RALGAPB: variants seen among roughly 807,000 people sequenced by gnomAD.
RALGAPB encodes the protein Ral GTPase activating protein non-catalytic subunit beta.
In RALGAPB, 25 loss-of-function variants were observed where a neutral mutation model predicts 161.1. The observed-to-expected ratio is 0.16, with a 90% CI of 0.11 to 0.22. RALGAPB has a LOEUF of 0.22. RALGAPB is among the 10% of genes least tolerant of loss of function. RALGAPB has a pLI of 1.00. For synonymous variants in RALGAPB, 629 were observed against 626.1 expected, an observed-to-expected ratio of 1.00 and a Z score of -0.07; for missense variants, 1,391 against 1,815.2, an observed-to-expected ratio of 0.77 and a Z score of 4.25.
At chr20:38,518,026 A>G (rs147980602) in intron 9 of RALGAPB, 26 bp downstream of exon 9, 1 of 1,565,158 alleles carries the variant, frequency 6.4e-7, no homozygotes, top group South Asian at 1.1e-5. Flanking sequence ...GAAATATGTT[A>G]TCATTATTTT....
rs2088452392 is a variant in RALGAPB, at chr20:38,576,741, T to C, written c.*1774T>C. 1 of 152,630 alleles carries C rather than the reference T, an allele frequency of 6.6e-6. No homozygotes were observed. The highest frequency in any genetic ancestry group is 1.5e-5 in the Non-Finnish European group (1 of 68,032). The allele number at this position is 152,630 out of a possible 1,614,324, so 9.5% of individuals were successfully genotyped here. A position where few individuals can be genotyped will look rare whatever the true frequency, so the allele number is the denominator to read the frequency against. ...GGAAGAAGATGAGGTTTAATAACTT[T>C]CAAGGTAATTCTAGATTGACATTTT... On this transcript the variant is annotated 3_prime_UTR_variant, in exon 30 of 30. Coordinates refer to ENST00000262879, the MANE Select transcript of RALGAPB (RefSeq NM_020336.4).
rs775459007 is a variant in RALGAPB at position 38,532,727 on chromosome 20, T to C, written c.2116-3T>C. 2 of 1,613,430 alleles carry C rather than the reference T, an allele frequency of 1.2e-6. No homozygotes were observed. Among genetic ancestry groups the C allele is most frequent in the Non-Finnish European group, 1.7e-6 (2 of 1,179,454 alleles). ...CTCACTTGATTCATTTTCATTTGAC[T>C]AGGGTGGTGGAGAAAATAACCTGAA... On this transcript the variant is annotated splice_polypyrimidine_tract_variant and splice_region_variant and intron_variant, in intron 14 of 29. Coordinates refer to ENST00000262879, the MANE Select transcript of RALGAPB (RefSeq NM_020336.4).
chr20:38,483,304 A>T (rs2049485347), intron 1 of RALGAPB, among the ~76,000 whole-genome samples: 1 of 152,220 alleles, frequency 6.6e-6, no homozygotes, highest in Non-Finnish European at 1.5e-5. Context: ...TATGAAGCCT[A>T]GTTCCAGAGC....
Position 38,576,460 on chromosome 20 carries a change from C to G in RALGAPB, c.*1493C>G, listed in dbSNP as rs1390900551. On this transcript the variant is annotated 3_prime_UTR_variant, in exon 30 of 30. Transcript: ENST00000262879. ...ATTCCAGAAATGTGCATTTTGTCAT[C>G]TATAAGCAAGAAATATGGGCATAGC... 6.6e-6 allele frequency: 1 copy of G among 152,336 alleles called. No individual in the cohort carries two copies. The allele number at this position is 152,336 out of a possible 1,614,324, so 9.4% of individuals were successfully genotyped here.
At chr20:38,521,128 T>G (rs893934783) in intron 9 of RALGAPB, among the ~76,000 whole-genome samples, 2 of 152,178 alleles carry the variant, frequency 1.3e-5, no homozygotes, top group African/African-American at 4.8e-5. Flanking sequence ...TCTTAACGTT[T>G]AAGCATCATT....
Position 38,576,440 on chromosome 20 carries a change from A to G in RALGAPB, c.*1473A>G, listed in dbSNP as rs1882185702. On this transcript the variant is annotated 3_prime_UTR_variant, in exon 30 of 30. Transcript: ENST00000262879. ...TCCCTGTGCAAATGTCTCTTATTCC[A>G]GAAATGTGCATTTTGTCATCTATAA... The G allele has an allele frequency of 6.6e-6, 1 of 152,484 alleles. No homozygotes were observed. Among genetic ancestry groups the G allele is most frequent in the South Asian group, 2.1e-4 (1 of 4,836 alleles). The allele number at this position is 152,484 out of a possible 1,614,324, so 9.4% of individuals were successfully genotyped here. A position where few individuals can be genotyped will look rare whatever the true frequency, so the allele number is the denominator to read the frequency against.
chr20:38,571,889 A>G (rs552168983), intron 28 of RALGAPB, among the ~76,000 whole-genome samples: 1 of 152,130 alleles, frequency 6.6e-6, no homozygotes, highest in Admixed American at 6.5e-5. Context: ...TTTTTTTGAA[A>G]ATAACCATCC....
chr20:38,476,252 G>A (rs1337903713), intron 1 of RALGAPB, among the ~76,000 whole-genome samples: 2 of 152,232 alleles, frequency 1.3e-5, no homozygotes, highest in East Asian at 1.9e-4. Context: ...TGTTTAATAC[G>A]AGGTACTCAT....
intron 1 of RALGAPB, among the ~76,000 whole-genome samples, chr20:38,482,788 A>G (rs2085008424): frequency 6.6e-6 from 1 of 152,122 alleles, no homozygotes. Flanking sequence ...ATAGTTATTT[A>G]TTGATTGCTT....
At chr20:38,527,357 C>G (rs1294917805) in intron 13 of RALGAPB, among the ~76,000 whole-genome samples, 1 of 152,106 alleles carries the variant, frequency 6.6e-6, no homozygotes, top group Non-Finnish European at 1.5e-5. Flanking sequence ...AGATGGGTCA[C>G]AACGGCCAAG....
intron 2 of RALGAPB, among the ~76,000 whole-genome samples, chr20:38,492,195 C>T (rs1377930095): frequency 1.3e-5 from 2 of 152,204 alleles, no homozygotes; most frequent in African/African-American, 4.8e-5. Flanking sequence ...TTTTCAGCTC[C>T]ACTTTTTATA....
At chr20:38,555,865 A>G (rs771990790) in intron 22 of RALGAPB, among the ~76,000 whole-genome samples, 1 of 152,226 alleles carries the variant, frequency 6.6e-6, no homozygotes. Context: ...GAATGTATGT[A>G]CAAAAGTATT....
In RALGAPB at chr20:38,558,366, C is replaced by A. The variant is rs2087665133; in HGVS notation, c.3444C>A (p.Asp1148Glu). ...CCACGATACCTGGATTTTTTGATGA[C>A]ATTGGGTATCTGGATCTCTTGCCAT... Reference protein sequence around the residue: ...LDSTIPGFFDDIGYLDLLPCR... With the variant: ...LDSTIPGFFDEIGYLDLLPCR... Residue 1148 changes from aspartate (D) to glutamate (E), a missense_variant, in exon 23 of 30, where the codon GAC (aspartate) becomes GAA (glutamate). This residue lies in a region of RALGAPB where 436 missense variants were observed against 527.0 expected (regional missense o/e 0.83). Coordinates refer to ENST00000262879, the MANE Select transcript of RALGAPB (RefSeq NM_020336.4). 1.2e-6 allele frequency: 2 copies of A among 1,608,240 alleles called. No individual in the cohort carries two copies. The highest frequency in any genetic ancestry group is 3.4e-5 in the Admixed American group (2 of 59,610).
intron 1 of RALGAPB, among the ~76,000 whole-genome samples, 195 bp downstream of exon 1, chr20:38,473,264 T>A (rs1003990933): frequency 6.6e-6 from 1 of 152,128 alleles, no homozygotes; most frequent in Admixed American, 6.5e-5. Context: ...AGTGGGCGGC[T>A]GCTGTCGAGT....
chr20:38,526,491 T>C (rs913145266), intron 13 of RALGAPB, among the ~76,000 whole-genome samples: 3 of 152,162 alleles, frequency 2.0e-5, no homozygotes, highest in African/African-American at 7.2e-5. Flanking sequence ...GTCCTTTTTT[T>C]CTCAAACACA....
chr20:38,539,909 A>G lies in RALGAPB; in HGVS notation c.2513A>G (p.Gln838Arg). 1.9e-6 allele frequency: 3 copies of G among 1,614,108 alleles called. No individual in the cohort carries two copies. Among genetic ancestry groups the G allele is most frequent in the Admixed American group, 1.7e-5 (1 of 60,024 alleles). ...CACTCCATGATAGTGGCAGCTTTTC[A>G]GTGTCTCTGTGTCTGGCTGACAGAG... ...DLHSMIVAAF[Q>R]CLCVWLTEHP... The change falls in exon 17 of 30, where the codon CAG (glutamine) becomes CGG (arginine). Residue 838 changes from glutamine to arginine, a missense_variant. This residue lies in a region of RALGAPB where 946 missense variants were observed against 1,257.2 expected (regional missense o/e 0.75). Transcript: ENST00000262879.
intron 6 of RALGAPB, among the ~76,000 whole-genome samples, chr20:38,515,546 G>C (rs574495069): frequency 6.6e-6 from 1 of 151,944 alleles, no homozygotes; most frequent in Non-Finnish European, 1.5e-5. Context: ...CAAATACACC[G>C]TTTTGAAATT....
intron 16 of RALGAPB, chr20:38,537,715 G>A (rs805540): frequency 0.84 from 127,428 of 152,192 alleles, 53,410 homozygotes; most frequent in African/African-American, 0.89. Flanking sequence ...GAACTCTCAG[G>A]ACTCAATAAT....
chr20:38,490,436 C>T (rs895392553), intron 2 of RALGAPB, among the ~76,000 whole-genome samples: 1 of 151,430 alleles, frequency 6.6e-6, no homozygotes, highest in Non-Finnish European at 1.5e-5. Flanking sequence ...TCTCAATCTC[C>T]TGACCTCGTG....
Sources: allele counts gnomAD v4.1 joint callset (sites outside exome capture counted in the v4.1 genomes callset), GRCh38; gene constraint gnomAD v4.1.1; regional missense constraint gnomAD v4.1.1; transcripts MANE v1.5; gene names NCBI Gene and HGNC (gene_info 2026-07-23, HGNC 2026-07-21).